The following KLHL29 variants were observed in gnomAD, a reference collection of about 807,000 sequenced individuals.
KLHL29 encodes the protein kelch-like protein 29.
A neutral mutation model predicts 80.4 loss-of-function variants in KLHL29; 21 were observed. The ratio of observed to expected loss-of-function variants is 0.26; its 90% confidence interval spans 0.19 to 0.38. The LOEUF (loss-of-function observed/expected upper bound fraction) is 0.38, where lower values mean the gene tolerates loss of function less well. KLHL29 is among the 10% of genes least tolerant of loss of function. The probability of loss-of-function intolerance (pLI) is 1.00; values close to 1 mark genes in which losing one functional copy is unlikely to be tolerated. For missense variants in KLHL29, 867 were observed against 1,223.9 expected, an observed-to-expected ratio of 0.71 and a Z score of 4.35; for synonymous variants, 511 against 526.8, an observed-to-expected ratio of 0.97 and a Z score of 0.41.
At position 23,693,250 on chromosome 2, in the gene KLHL29, C is replaced by T; in HGVS notation, c.1283-19C>T. 7.2e-6 allele frequency: 11 copies of T among 1,536,466 alleles called. No individual in the cohort carries two copies. The South Asian group carries it at 1.3e-4, about 18-fold the overall frequency. On this transcript the variant is annotated intron_variant, in intron 7 of 13. Transcript: ENST00000486442. ...CTTCCCGGGCCTTTGGGTCAGTGGT[C>T]CTGCGCTGTCGCCCCCAGAGAAGCA... is the stretch of plus-strand genomic sequence containing the variant.
intron 5 of KLHL29, among the ~76,000 whole-genome samples, chr2:23,679,946 G>A (rs1671029145): frequency 6.6e-6 from 1 of 152,208 alleles, no homozygotes; most frequent in Admixed American, 6.5e-5. Context: ...GGGGTGCAAG[G>A]AGGCTTCGCT....
At chr2:23,603,255 C>T (rs1668619239) in intron 3 of KLHL29, among the ~76,000 whole-genome samples, 1 of 152,198 alleles carries the variant, frequency 6.6e-6, no homozygotes, top group African/African-American at 2.4e-5. Context: ...CCAGAAAAGG[C>T]AGCCAGAGGT....
intron 3 of KLHL29, among the ~76,000 whole-genome samples, chr2:23,597,403 ATATATTTTTTTTTTTTTTTTTTTTT>A (rs1668452205): frequency 1.8e-4 from 7 of 39,756 alleles, no homozygotes; most frequent in African/African-American, 3.6e-4. Flanking sequence ...ATATATATAT[ATATATTTTTTTTTTTTTTTTTTTTT>A]TTTTTTTTTT....
intron 7 of KLHL29, among the ~76,000 whole-genome samples, chr2:23,692,618 G>A (rs1266901229): frequency 6.6e-6 from 1 of 152,204 alleles, no homozygotes; most frequent in Non-Finnish European, 1.5e-5. Context: ...GCACAGATGG[G>A]CCTCCAGAAA....
intron 1 of KLHL29, among the ~76,000 whole-genome samples, chr2:23,420,462 A>T (rs1558331530): frequency 6.6e-6 from 1 of 152,180 alleles, no homozygotes; most frequent in Admixed American, 6.5e-5. Flanking sequence ...GGCTCCCGAG[A>T]CCGGGCTGTC....
At chr2:23,579,286 A>T (rs937145828) in intron 3 of KLHL29, among the ~76,000 whole-genome samples, 1 of 152,330 alleles carries the variant, frequency 6.6e-6, no homozygotes, top group East Asian at 1.9e-4. Context: ...GTATTATGGA[A>T]ACGGGGCTTG....
intron 3 of KLHL29, among the ~76,000 whole-genome samples, chr2:23,597,403 ATATATTTTTTTTTTT>A (rs1668451657): frequency 2.5e-4 from 10 of 39,754 alleles, no homozygotes; most frequent in African/African-American, 7.2e-4. Flanking sequence ...ATATATATAT[ATATATTTTTTTTTTT>A]TTTTTTTTTT....
intron 3 of KLHL29, among the ~76,000 whole-genome samples, chr2:23,609,491 G>A (rs1668804412): frequency 6.6e-6 from 1 of 152,078 alleles, no homozygotes; most frequent in Non-Finnish European, 1.5e-5. Context: ...GGGTTTTTGT[G>A]AAATAGAGAG....
At chr2:23,550,276 G>A (rs933216774) in intron 2 of KLHL29, among the ~76,000 whole-genome samples, 5 of 152,248 alleles carry the variant, frequency 3.3e-5, no homozygotes, top group African/African-American at 7.2e-5. Flanking sequence ...GAGGGAAAGG[G>A]GGGCACGAAG....
At chr2:23,539,820 A>G (rs904450188) in intron 2 of KLHL29, among the ~76,000 whole-genome samples, 3 of 152,044 alleles carry the variant, frequency 2.0e-5, no homozygotes, top group African/African-American at 7.2e-5. Context: ...GGCAGTCTCC[A>G]TAGTTTAGCT....
At chr2:23,489,952 G>GA (rs1290332667) in intron 2 of KLHL29, among the ~76,000 whole-genome samples, 1 of 152,128 alleles carries the variant, frequency 6.6e-6, no homozygotes, top group African/African-American at 2.4e-5. Context: ...ATTTGCGTTT[G>GA]AAAAAACAGT....
intron 3 of KLHL29, among the ~76,000 whole-genome samples, chr2:23,592,520 C>T (rs149061102): frequency 6.6e-6 from 1 of 152,350 alleles, no homozygotes; most frequent in African/African-American, 2.4e-5. Context: ...GGCCGCAGGC[C>T]GGGGGCCTCT....
Position 23,682,102 on chromosome 2 carries a change from C to T in KLHL29, c.941-2297C>T, listed in dbSNP as rs1440572887. ...TCCCCTCCAAAAACCTGTTAGTGGT[C>T]TCCATGCCTCCCCCTCCCCACTTCC... is the stretch of plus-strand genomic sequence containing the variant. On this transcript the variant is annotated intron_variant, in intron 5 of 13. Coordinates refer to ENST00000486442, the MANE Select transcript of KLHL29 (RefSeq NM_052920.2). This position sits in a 1 kb window ranked among gnomAD's most constrained non-coding sequence, Gnocchi z 4.1. 1.3e-5 allele frequency among the ~76,000 whole-genome samples: 2 copies of T among 152,114 alleles called. No individual in the cohort carries two copies. Among genetic ancestry groups the T allele is most frequent in the South Asian group, 2.1e-4 (1 of 4,826 alleles).
At chr2:23,701,372 G>C (rs2149222680) in intron 11 of KLHL29, among the ~76,000 whole-genome samples, 1 of 152,310 alleles carries the variant, frequency 6.6e-6, no homozygotes, top group South Asian at 2.1e-4. Context: ...TGCAGACACA[G>C]TGATCTCTCT....
intron 5 of KLHL29, among the ~76,000 whole-genome samples, chr2:23,670,915 GCGCTCTCTCT>G (rs1558432826): frequency 8.1e-4 from 22 of 27,070 alleles, no homozygotes; most frequent in Admixed American, 1.2e-3. Context: ...ACACATGCAC[GCGCTCTCTCT>G]CTCTCTCTCT....
At chr2:23,417,461 C>A (rs1667003395) in intron 1 of KLHL29, among the ~76,000 whole-genome samples, 1 of 152,220 alleles carries the variant, frequency 6.6e-6, no homozygotes, top group Admixed American at 6.5e-5. Context: ...ACCAAACTTA[C>A]ATACGTCGAA....
intron 3 of KLHL29, among the ~76,000 whole-genome samples, chr2:23,625,126 G>A (rs554585002): frequency 1.3e-5 from 2 of 152,320 alleles, no homozygotes; most frequent in Non-Finnish European, 1.5e-5. Context: ...ATCCAGGCTG[G>A]TTGGATTTTC....
chr2:23,574,395 T>C (rs142923617), intron 3 of KLHL29, among the ~76,000 whole-genome samples: 1 of 152,182 alleles, frequency 6.6e-6, no homozygotes, highest in African/African-American at 2.4e-5. Flanking sequence ...TGAGACTGTT[T>C]CCTTATCTAC....
chr2:23,686,465 A>G (rs1367949184), intron 6 of KLHL29, among the ~76,000 whole-genome samples: 1 of 151,986 alleles, frequency 6.6e-6, no homozygotes, highest in Admixed American at 6.6e-5. Flanking sequence ...AAATCAGGAA[A>G]TTGGTTCAAG....
Sources: gnomAD v4.1 joint callset for allele counts (sites outside exome capture counted in the v4.1 genomes callset) on GRCh38, gnomAD v4.1.1 for gene constraint, Gnocchi (gnomAD v3.1) non-coding constraint, MANE v1.5 for transcripts, NCBI Gene and HGNC (gene_info 2026-07-23, HGNC 2026-07-21) for gene names.